The following GPC5 variants were observed in gnomAD, a reference collection of about 807,000 sequenced individuals.
GPC5 encodes glypican-5.
Under a neutral mutation model 53.9 loss-of-function variants are expected in GPC5, and 47 were observed. The observed-to-expected ratio is 0.87, with a 90% CI of 0.69 to 1.11. The LOEUF (loss-of-function observed/expected upper bound fraction) is 1.11, where lower values mean the gene tolerates loss of function less well. Among genes scored for constraint, GPC5 ranks in the 50% most tolerant of loss-of-function variants. The probability of loss-of-function intolerance (pLI) is 0.00; values close to 1 mark genes in which losing one functional copy is unlikely to be tolerated. For synonymous variants in GPC5, 286 were observed against 263.3 expected, an observed-to-expected ratio of 1.09 and a Z score of -0.84; for missense variants, 748 against 713.1, an observed-to-expected ratio of 1.05 and a Z score of -0.56.
At chr13:92,372,927 T>C (rs1337812012) in intron 7 of GPC5, among the ~76,000 whole-genome samples, 4 of 152,236 alleles carry the variant, frequency 2.6e-5, no homozygotes, top group Non-Finnish European at 5.9e-5. Context: ...TTACAACATG[T>C]TGTCTGCTCC....
At chr13:91,530,957 T>A (rs1886313819) in intron 2 of GPC5, among the ~76,000 whole-genome samples, 2 of 152,232 alleles carry the variant, frequency 1.3e-5, no homozygotes, top group Admixed American at 6.5e-5. Context: ...TGGATAGATC[T>A]CTCAGAGATT....
chr13:92,621,955 T>G (rs1884883751), intron 7 of GPC5, among the ~76,000 whole-genome samples: 1 of 152,080 alleles, frequency 6.6e-6, no homozygotes, highest in Admixed American at 6.5e-5. Context: ...ATAATAATAA[T>G]AATAGAACAT....
intron 6 of GPC5, among the ~76,000 whole-genome samples, chr13:92,108,840 C>T (rs560723282): frequency 6.6e-6 from 1 of 152,214 alleles, no homozygotes; most frequent in Admixed American, 6.5e-5. Flanking sequence ...TCTAGACCTG[C>T]CAAGATTACC....
intron 2 of GPC5, among the ~76,000 whole-genome samples, chr13:91,537,403 T>C (rs1470960213): frequency 6.6e-6 from 1 of 152,118 alleles, no homozygotes; most frequent in Non-Finnish European, 1.5e-5. Flanking sequence ...AATGAAAAAT[T>C]AGAAATCAAC....
intron 7 of GPC5, among the ~76,000 whole-genome samples, chr13:92,732,448 C>T (rs1888833413): frequency 6.6e-6 from 1 of 151,486 alleles, no homozygotes; most frequent in South Asian, 2.1e-4. Flanking sequence ...TAGGGTTAGC[C>T]ACTAAATTGT....
At chr13:92,677,126 T>C (rs1886969520) in intron 7 of GPC5, among the ~76,000 whole-genome samples, 1 of 152,204 alleles carries the variant, frequency 6.6e-6, no homozygotes, top group Non-Finnish European at 1.5e-5. Context: ...CTTTAACTTA[T>C]TAAAATTTTG....
At chr13:91,750,147 C>T (rs2037139175) in intron 4 of GPC5, among the ~76,000 whole-genome samples, 4 of 152,106 alleles carry the variant, frequency 2.6e-5, no homozygotes, top group Admixed American at 2.6e-4. Context: ...CTGCATTCAA[C>T]TTGGAAAATG....
intron 4 of GPC5, among the ~76,000 whole-genome samples, chr13:91,745,132 GT>G (rs141745251): frequency 0.026 from 3,914 of 152,082 alleles, 73 homozygotes; most frequent in Non-Finnish European, 0.033. Flanking sequence ...CAGAGGTAGT[GT>G]TTTTTTAAGG....
chr13:92,109,326 C>T (rs2041537730), intron 6 of GPC5, among the ~76,000 whole-genome samples: 1 of 152,038 alleles, frequency 6.6e-6, no homozygotes, highest in African/African-American at 2.4e-5. Flanking sequence ...TTTGGCCTCC[C>T]AAAGTGCCAG....
At chr13:92,301,278 T>G (rs893936063) in intron 7 of GPC5, among the ~76,000 whole-genome samples, 4 of 152,182 alleles carry the variant, frequency 2.6e-5, no homozygotes, top group African/African-American at 9.6e-5. Context: ...GCTAACATTC[T>G]TGAAGAGATG....
chr13:92,788,700 C>A (rs932876409), intron 7 of GPC5, among the ~76,000 whole-genome samples: 1 of 152,218 alleles, frequency 6.6e-6, no homozygotes, highest in East Asian at 1.9e-4. Context: ...ATACAGAAAG[C>A]AAACATCAGC....
Position 92,415,721 on chromosome 13 carries a change from T to A in GPC5, c.1561+270732T>A, listed in dbSNP as rs930464319. On this transcript the variant is annotated intron_variant, in intron 7 of 7. Transcript: ENST00000377067. The stretch of plus-strand genomic sequence containing the variant: ...AATAGCAGCGGAATGATAATATAAG[T>A]CATTGTAGTGAGCTACGCAGAACAG... Among the ~76,000 whole-genome samples the A allele has an allele frequency of 1.9e-4, 29 of 150,628 alleles. 1 individual carries two copies. The highest frequency in any genetic ancestry group is 1.3e-3 in the Admixed American group (20 of 15,120).
At position 91,420,249 on chromosome 13, in the gene GPC5, T is replaced by C. The variant is rs115108527; in HGVS notation, c.163+21040T>C. The stretch of plus-strand genomic sequence containing the variant: ...AGCTTTCATACTTGTGGGTTTCCTT[T>C]GTTATTCCTTTAGTAAATTTTATTT... On this transcript the variant is annotated intron_variant, in intron 1 of 7. Coordinates refer to ENST00000377067, the MANE Select transcript of GPC5 (RefSeq NM_004466.6). 6.3e-3 allele frequency among the ~76,000 whole-genome samples: 967 copies of C among 152,312 alleles called. 12 individuals carry two copies. Among genetic ancestry groups the C allele is most frequent in the African/African-American group, 0.021 (890 of 41,562 alleles).
intron 6 of GPC5, among the ~76,000 whole-genome samples, chr13:92,117,392 A>T (rs1483658124): frequency 6.6e-6 from 1 of 152,220 alleles, no homozygotes; most frequent in Non-Finnish European, 1.5e-5. Flanking sequence ...GATGCTAAAA[A>T]ATAACTGTTA....
chr13:91,753,359 C>T (rs189329999), intron 4 of GPC5, among the ~76,000 whole-genome samples: 3 of 152,202 alleles, frequency 2.0e-5, no homozygotes, highest in Middle Eastern at 3.4e-3. Context: ...CATGACCATC[C>T]CCTCACATGA....
intron 2 of GPC5, among the ~76,000 whole-genome samples, chr13:91,607,036 A>G (rs2033392048): frequency 6.6e-6 from 1 of 151,574 alleles, no homozygotes; most frequent in Admixed American, 6.6e-5. Flanking sequence ...TAGTTCTTTT[A>G]ATTGTGATGT....
chr13:92,639,337 C>T (rs1885513765), intron 7 of GPC5, among the ~76,000 whole-genome samples: 1 of 152,150 alleles, frequency 6.6e-6, no homozygotes, highest in Admixed American at 6.5e-5. Context: ...ATCAAATCTT[C>T]CTTTGTTCCA....
At chr13:91,660,451 A>G (rs1485732850) in intron 2 of GPC5, among the ~76,000 whole-genome samples, 1 of 152,208 alleles carries the variant, frequency 6.6e-6, no homozygotes, top group South Asian at 2.1e-4. Flanking sequence ...ATCCTCACCC[A>G]GTGAAGCTTG....
At chr13:92,042,193 CT>C in intron 6 of GPC5, among the ~76,000 whole-genome samples, 1 of 152,208 alleles carries the variant, frequency 6.6e-6, no homozygotes, top group Admixed American at 6.5e-5. Context: ...AAGGTAAAGC[CT>C]TTTGATTCCC....
Sources: allele counts gnomAD v4.1 joint callset (sites outside exome capture counted in the v4.1 genomes callset), GRCh38; gene constraint gnomAD v4.1.1; transcripts MANE v1.5; gene names NCBI Gene and HGNC (gene_info 2026-07-23, HGNC 2026-07-21).